TRPM3: variants seen among roughly 807,000 people sequenced by gnomAD.
The protein encoded by TRPM3 is transient receptor potential cation channel subfamily M member 3.
Under a neutral mutation model 181.2 loss-of-function variants are expected in TRPM3, and 77 were observed. The ratio of observed to expected loss-of-function variants is 0.42; its 90% CI spans 0.35 to 0.51. TRPM3 has a LOEUF of 0.51. TRPM3 is among the 20% of genes least tolerant of loss of function. The pLI is 0.01. For synonymous variants in TRPM3, 745 were observed against 796.4 expected (o/e 0.94, Z 1.09); for missense variants, 1,759 against 2,196.7 (o/e 0.80, Z 3.98).
At chr9:70,943,964 G>C (rs1398061289) in intron 1 of TRPM3, among the ~76,000 whole-genome samples, 2 of 152,090 alleles carry the variant, frequency 1.3e-5, no homozygotes, top group Non-Finnish European at 2.9e-5. Context: ...ATTTTTAGTA[G>C]AGACGGGGTT....
intron 19 of TRPM3, among the ~76,000 whole-genome samples, chr9:70,608,663 C>CCAT (rs1554777511): frequency 6.6e-6 from 1 of 152,002 alleles, no homozygotes; most frequent in Non-Finnish European, 1.5e-5. Flanking sequence ...TGGCAAAACC[C>CCAT]CATCTCTACT....
Position 70,601,377 on chromosome 9 carries a change from G to A in TRPM3, c.2796+1965C>T, listed in dbSNP as rs906462854. On this transcript the variant is annotated intron_variant, in intron 20 of 25. Transcript: ENST00000677713. ...GGAAACCACAAAGCCTTCCTTTTGTGTATCCCTGGGAAGGCACCAAAGCAT... is the reference window on the plus strand; with the variant it reads ...GGAAACCACAAAGCCTTCCTTTTGTATATCCCTGGGAAGGCACCAAAGCAT... 6.0e-4 allele frequency among the ~76,000 whole-genome samples: 91 copies of A among 152,266 alleles called. 1 individual carries two copies. The highest frequency in any genetic ancestry group is 1.3e-4 in the Non-Finnish European group (9 of 68,008).
intron 1 of TRPM3, among the ~76,000 whole-genome samples, chr9:71,131,351 T>C (rs1587544484): frequency 6.6e-6 from 1 of 152,308 alleles, no homozygotes; most frequent in South Asian, 2.1e-4. Context: ...TTATTGCAGC[T>C]CTTTGTTTGA....
chr9:70,599,296 A>G (rs1266275600), intron 20 of TRPM3, among the ~76,000 whole-genome samples: 1 of 152,180 alleles, frequency 6.6e-6, no homozygotes, highest in African/African-American at 2.4e-5. Context: ...CTGGCTGGCA[A>G]TTACCAGGTT....
chr9:70,939,802 A>T (rs2096867893), intron 1 of TRPM3, among the ~76,000 whole-genome samples: 1 of 152,162 alleles, frequency 6.6e-6, no homozygotes, highest in African/African-American at 2.4e-5. Context: ...TGGCATTCTC[A>T]TCTATTGGTA....
intron 1 of TRPM3, among the ~76,000 whole-genome samples, chr9:70,941,795 C>T: frequency 6.6e-6 from 1 of 152,264 alleles, no homozygotes; most frequent in Admixed American, 6.5e-5. Context: ...AGATTTTGTT[C>T]CCCTGAATCT....
chr9:70,744,206 T>G (rs1054300152), intron 8 of TRPM3, among the ~76,000 whole-genome samples: 6 of 151,970 alleles, frequency 3.9e-5, no homozygotes, highest in African/African-American at 1.4e-4. Context: ...TGGGTGCCTG[T>G]AATTCCAGCT....
At chr9:70,749,680 T>C (rs1227128625) in intron 8 of TRPM3, among the ~76,000 whole-genome samples, 1 of 152,218 alleles carries the variant, frequency 6.6e-6, no homozygotes, top group African/African-American at 2.4e-5. Flanking sequence ...AAAAGTCAGA[T>C]TATTTCCTAT....
intron 22 of TRPM3, among the ~76,000 whole-genome samples, chr9:70,557,278 AG>A (rs2047944164): frequency 1.3e-5 from 2 of 152,216 alleles, no homozygotes; most frequent in African/African-American, 4.8e-5. Flanking sequence ...GACCAGCCTG[AG>A]GAACATTATC....
Position 70,625,159 on chromosome 9 carries a change from A to G in TRPM3, c.1809+32T>C, listed in dbSNP as rs1419785032. 1 of 1,613,094 alleles carries G rather than the reference A, an allele frequency of 6.2e-7. No individual in the cohort carries two copies. Among genetic ancestry groups the G allele is most frequent in the Admixed American group, 1.7e-5 (1 of 59,962 alleles). The stretch of plus-strand genomic sequence containing the variant: ...AAATCCCATACACCCTAGTCCTCCC[A>G]GGAAGGGCCCCGAATTTGCAGCCAG... On this transcript the variant is annotated intron_variant, in intron 14 of 25. Coordinates refer to ENST00000677713, the MANE Select transcript of TRPM3 (RefSeq NM_001366145.2). This position sits in a 1 kb window ranked among gnomAD's most constrained non-coding sequence, Gnocchi z 4.8.
chr9:70,563,862 T>C (rs1488094373), intron 22 of TRPM3, among the ~76,000 whole-genome samples: 1 of 152,224 alleles, frequency 6.6e-6, no homozygotes. Flanking sequence ...TCTGGTTTTG[T>C]TCCCAGTCAG....
intron 7 of TRPM3, chr9:70,776,203 T>C (rs188423930): frequency 3.5e-4 from 138 of 391,524 alleles, no homozygotes; most frequent in Middle Eastern, 6.6e-4. Context: ...CACCTCTACC[T>C]GAGATTTCAC....
chr9:70,536,642 G>A lies in TRPM3; in HGVS notation c.4471C>T (p.Leu1491Phe). Reference protein sequence around the residue: ...TRSFSSDYTHLPECQNPWDSE... With the variant: ...TRSFSSDYTHFPECQNPWDSE... ...TCCCAGGGGTTTTGGCATTCTGGGAGGTGGGTGTAGTCTGAAGAAAAAGAT... is the reference window on the plus strand; with the variant it reads ...TCCCAGGGGTTTTGGCATTCTGGGAAGTGGGTGTAGTCTGAAGAAAAAGAT... Residue 1491 changes from leucine (L) to phenylalanine (F), a missense_variant, in exon 26 of 26, where the codon CTC (leucine) becomes TTC (phenylalanine). By Grantham distance (22) the Leu-to-Phe change is conservative (BLOSUM62 0). Around this residue, in one of 8 missense-constraint regions of TRPM3, gnomAD observed 612 missense variants for 590.0 expected, o/e 1.04. Transcript: ENST00000677713. 1 of 1,614,140 alleles carries A rather than the reference G, an allele frequency of 6.2e-7. No individual in the cohort carries two copies. Among genetic ancestry groups the A allele is most frequent in the Non-Finnish European group, 8.5e-7 (1 of 1,180,022 alleles).
intron 1 of TRPM3, among the ~76,000 whole-genome samples, chr9:71,043,658 C>A (rs186104275): frequency 6.6e-6 from 1 of 152,176 alleles, no homozygotes; most frequent in African/African-American, 2.4e-5. Context: ...CCAAAATTTG[C>A]GCCTGGACTA....
chr9:71,371,083 T>A (rs2092495743), intron 1 of TRPM3, among the ~76,000 whole-genome samples: 1 of 152,162 alleles, frequency 6.6e-6, no homozygotes, highest in East Asian at 1.9e-4. Flanking sequence ...AAAGATTCAT[T>A]TCAATTATCA....
intron 16 of TRPM3, 89 bp downstream of exon 16, chr9:70,619,987 A>T: frequency 7.4e-7 from 1 of 1,354,798 alleles, no homozygotes; most frequent in Non-Finnish European, 1.0e-6. Flanking sequence ...GATTTCCCTT[A>T]AAGTTCTGAG....
At chr9:71,231,952 G>T (rs1236713142) in intron 1 of TRPM3, among the ~76,000 whole-genome samples, 1 of 152,052 alleles carries the variant, frequency 6.6e-6, no homozygotes, top group Admixed American at 6.5e-5. Context: ...TTGAATAAAA[G>T]ATTTAAAAAT....
At chr9:71,000,667 G>C (rs1017257542) in intron 1 of TRPM3, among the ~76,000 whole-genome samples, 1 of 152,118 alleles carries the variant, frequency 6.6e-6, no homozygotes, top group African/African-American at 2.4e-5. Flanking sequence ...CAACATAAAG[G>C]AGAAGGATCT....
intron 1 of TRPM3, among the ~76,000 whole-genome samples, chr9:71,367,553 A>G (rs1322520428): frequency 6.6e-6 from 1 of 152,194 alleles, no homozygotes; most frequent in African/African-American, 2.4e-5. Flanking sequence ...TTACATGAGG[A>G]CAAAAAAGAT....
Sources: gnomAD v4.1 joint callset for allele counts (sites outside exome capture counted in the v4.1 genomes callset) on GRCh38, gnomAD v4.1.1 for gene constraint, gnomAD v4.1.1 regional missense constraint, Gnocchi (gnomAD v3.1) non-coding constraint, MANE v1.5 for transcripts, NCBI Gene and HGNC (gene_info 2026-07-23, HGNC 2026-07-21) for gene names.